The following IL1RAPL2 variants were observed in gnomAD, a reference collection of about 807,000 sequenced individuals.
IL1RAPL2 encodes the protein interleukin 1 receptor accessory protein like 2.
IL1RAPL2 carries 3 observed loss-of-function variants against 44.1 expected under a neutral mutation model. The ratio of observed to expected loss-of-function variants is 0.07; its 90% CI spans 0.03 to 0.18. The LOEUF (loss-of-function observed/expected upper bound fraction) is 0.18, where lower values mean the gene tolerates loss of function less well. Among genes scored for constraint, IL1RAPL2 ranks in the 10% least tolerant of loss-of-function variants. IL1RAPL2 has a pLI of 1.00. For synonymous variants in IL1RAPL2, 181 were observed against 178.8 expected (o/e 1.01, Z -0.10); for missense variants, 391 against 496.4 (o/e 0.79, Z 2.02).
chrX:104,656,312 A>G (rs1285696390), intron 1 of IL1RAPL2, among the ~76,000 whole-genome samples: 2 of 111,663 alleles, frequency 1.8e-5, no homozygotes, highest in African/African-American at 3.3e-5. Context: ...GTGGGCATTT[A>G]GTGCTATAAA....
rs187407629 is a variant in IL1RAPL2 at position 105,158,785 on chromosome X, G to A, written c.83-36690G>A. 1.1e-3 allele frequency among the ~76,000 whole-genome samples: 118 copies of A among 111,850 alleles called. 1 individual carries two copies. The highest frequency in any genetic ancestry group is 4.6e-3 in the Middle Eastern group (1 of 217). On this transcript the variant is annotated intron_variant, in intron 2 of 10. Coordinates refer to ENST00000372582, the MANE Select transcript of IL1RAPL2 (RefSeq NM_017416.2). Reference sequence around the variant, plus strand: ...TTTTAGAGAGTCACATAACATATGGGTTCTGGTCCCATTTCTTCTATTAAC... The same window carrying A: ...TTTTAGAGAGTCACATAACATATGGATTCTGGTCCCATTTCTTCTATTAAC...
chrX:105,714,653 C>G (rs922951240), intron 6 of IL1RAPL2, among the ~76,000 whole-genome samples: 3 of 111,693 alleles, frequency 2.7e-5, no homozygotes, highest in African/African-American at 9.8e-5. Context: ...CTCAGAAGCC[C>G]ACTCTCAGAA....
chrX:104,981,937 T>A (rs1029357063), intron 2 of IL1RAPL2, among the ~76,000 whole-genome samples: 1 of 111,146 alleles, frequency 9.0e-6, no homozygotes, highest in African/African-American at 3.3e-5. Context: ...AAACATTGTT[T>A]ACTTTTACAA....
chrX:105,178,079 TC>T (rs947378861), intron 2 of IL1RAPL2, among the ~76,000 whole-genome samples: 2 of 111,867 alleles, frequency 1.8e-5, no homozygotes, highest in African/African-American at 6.5e-5. Flanking sequence ...AGATCTTGTT[TC>T]TTCTATCTAA....
At chrX:105,356,625 A>G in intron 5 of IL1RAPL2, among the ~76,000 whole-genome samples, 1 of 112,126 alleles carries the variant, frequency 8.9e-6, no homozygotes, top group East Asian at 2.8e-4. Context: ...CCTCTTACTT[A>G]GAAGGGCATT....
chrX:105,016,638 C>G (rs757565469), intron 2 of IL1RAPL2, among the ~76,000 whole-genome samples: 1 of 111,939 alleles, frequency 8.9e-6, no homozygotes, highest in Non-Finnish European at 1.9e-5. Context: ...GTATGTTGAA[C>G]TAGCCTTACA....
chrX:104,899,190 T>A (rs1040961482), intron 2 of IL1RAPL2, among the ~76,000 whole-genome samples: 2 of 111,989 alleles, frequency 1.8e-5, no homozygotes, highest in Admixed American at 1.9e-4. Context: ...GATGTTTTCC[T>A]TGAAGTATGT....
intron 2 of IL1RAPL2, among the ~76,000 whole-genome samples, chrX:105,074,457 T>A: frequency 9.0e-6 from 1 of 111,703 alleles, no homozygotes; most frequent in Non-Finnish European, 1.9e-5. Flanking sequence ...TGCAGTATAG[T>A]TTGAAGTCAG....
At chrX:104,680,562 T>C (rs1257538328) in intron 2 of IL1RAPL2, among the ~76,000 whole-genome samples, 4 of 111,233 alleles carry the variant, frequency 3.6e-5, no homozygotes, top group African/African-American at 1.3e-4. Flanking sequence ...AGAGCCCGAA[T>C]TTTCATTTTG....
chrX:105,132,054 A>T (rs1331132098), intron 2 of IL1RAPL2, among the ~76,000 whole-genome samples: 3 of 110,272 alleles, frequency 2.7e-5, no homozygotes, highest in Non-Finnish European at 3.8e-5. Flanking sequence ...GAGGCAGGAA[A>T]ATGAAAATAG....
intron 5 of IL1RAPL2, among the ~76,000 whole-genome samples, chrX:105,450,905 C>T (rs755465227): frequency 2.3e-5 from 2 of 85,324 alleles, no homozygotes; most frequent in Admixed American, 1.1e-4. Context: ...GTCTTAGGTC[C>T]GAGTGTGTGT....
chrX:105,385,535 G>A (rs1233685108), intron 5 of IL1RAPL2, among the ~76,000 whole-genome samples: 1 of 110,491 alleles, frequency 9.1e-6, no homozygotes, highest in African/African-American at 3.3e-5. Flanking sequence ...AAAAATCCAG[G>A]TATGAGAAAA....
At chrX:105,040,195 G>A (rs779990209) in intron 2 of IL1RAPL2, among the ~76,000 whole-genome samples, 1,976 of 111,303 alleles carry the variant, frequency 0.018, 45 homozygotes, top group African/African-American at 0.06. Context: ...ATCGATTTGC[G>A]TATATTGAAC....
chrX:104,623,343 G>T (rs1929435900), intron 1 of IL1RAPL2, among the ~76,000 whole-genome samples: 1 of 110,852 alleles, frequency 9.0e-6, no homozygotes, highest in Non-Finnish European at 1.9e-5. Context: ...TGCTTCTGGA[G>T]TAGCTCCAAA....
chrX:104,779,687 G>A (rs1932760017), intron 2 of IL1RAPL2, among the ~76,000 whole-genome samples: 1 of 111,776 alleles, frequency 8.9e-6, no homozygotes, highest in Admixed American at 9.6e-5. Context: ...TAGGCACAAG[G>A]AAGTTACATA....
chrX:104,767,060 G>C (rs1932569789), intron 2 of IL1RAPL2, among the ~76,000 whole-genome samples: 1 of 112,014 alleles, frequency 8.9e-6, no homozygotes, highest in Non-Finnish European at 1.9e-5. Context: ...CAGGGTTCAT[G>C]TAGAAGTTTC....
intron 6 of IL1RAPL2, among the ~76,000 whole-genome samples, chrX:105,700,067 C>T (rs1270568822): frequency 9.0e-6 from 1 of 111,438 alleles, no homozygotes; most frequent in Non-Finnish European, 1.9e-5. Flanking sequence ...TTCCACTTTT[C>T]ATTAATTGTG....
In IL1RAPL2 at chrX:104,641,982, G is replaced by T. The variant is rs187692396; in HGVS notation, c.-19-16913G>T. ...GAACACTTCCCTCCCGTGGTCTCCTGGCAGCTCCATATGTTAGTTTCAGGG... is the reference window on the plus strand; with the variant it reads ...GAACACTTCCCTCCCGTGGTCTCCTTGCAGCTCCATATGTTAGTTTCAGGG... On this transcript the variant is annotated intron_variant, in intron 1 of 10. Coordinates refer to ENST00000372582, the MANE Select transcript of IL1RAPL2 (RefSeq NM_017416.2). Among the ~76,000 whole-genome samples, 133 of 111,601 alleles carry T rather than the reference G, an allele frequency of 1.2e-3. No individual in the cohort carries two copies. The Middle Eastern group carries it at 0.014, about 12-fold the overall frequency.
At chrX:105,758,225 T>C (rs1406427027) in intron 10 of IL1RAPL2, among the ~76,000 whole-genome samples, 1 of 111,777 alleles carries the variant, frequency 8.9e-6, no homozygotes, top group Non-Finnish European at 1.9e-5. Flanking sequence ...AAAATCATTC[T>C]TGATCCACAA....
Sources: gnomAD v4.1 joint callset for allele counts (sites outside exome capture counted in the v4.1 genomes callset) on GRCh38, gnomAD v4.1.1 for gene constraint, MANE v1.5 for transcripts, NCBI Gene and HGNC (gene_info 2026-07-23, HGNC 2026-07-21) for gene names.